The following GPATCH8 variants were observed in gnomAD, a reference collection of about 807,000 sequenced individuals.
The protein encoded by GPATCH8 is G patch domain-containing protein 8.
In GPATCH8, 18 loss-of-function variants were observed where a neutral mutation model predicts 118.3. The observed-to-expected ratio is 0.15, with a 90% CI of 0.11 to 0.23. The LOEUF (loss-of-function observed/expected upper bound fraction) is 0.23. Among genes scored for constraint, GPATCH8 ranks in the 10% least tolerant of loss-of-function variants. GPATCH8 has a pLI of 1.00. For synonymous variants in GPATCH8, 659 were observed against 684.7 expected, an observed-to-expected ratio of 0.96 and a Z score of 0.59; for missense variants, 1,631 against 1,873.8, an observed-to-expected ratio of 0.87 and a Z score of 2.39.
intron 3 of GPATCH8, among the ~76,000 whole-genome samples, chr17:44,451,794 T>C (rs949288444): frequency 6.6e-6 from 1 of 152,220 alleles, no homozygotes; most frequent in African/African-American, 2.4e-5. Flanking sequence ...TTCAGAATTA[T>C]CTCCACTTTT....
chr17:44,398,484 G>A lies in GPATCH8; in HGVS notation c.3593C>T (p.Thr1198Ile). 1 of 1,609,164 alleles carries A rather than the reference G, an allele frequency of 6.2e-7. No individual in the cohort carries two copies. The highest frequency in any genetic ancestry group is 8.5e-7 in the Non-Finnish European group (1 of 1,177,456). Reference sequence around the variant, plus strand: ...GGGTGGGTCTAATAAGGGGCCAGTTGTTTCCTCTGAAGGGAACTGATGCCC... The same window carrying A: ...GGGTGGGTCTAATAAGGGGCCAGTTATTTCCTCTGAAGGGAACTGATGCCC... ...LFGHQFPSEE[T>I]TGPLLDPPPE... Residue 1198 changes from threonine (T) to isoleucine (I), a missense_variant, in exon 8 of 8, where the codon ACA becomes ATA. By Grantham distance (89) the Thr-to-Ile change is moderately conservative (BLOSUM62 -1). Coordinates refer to ENST00000591680, the MANE Select transcript of GPATCH8 (RefSeq NM_001002909.4).
chr17:44,427,369 C>G (rs1290049469), intron 5 of GPATCH8, among the ~76,000 whole-genome samples: 1 of 151,882 alleles, frequency 6.6e-6, no homozygotes, highest in African/African-American at 2.4e-5. Flanking sequence ...ACTGTTTGCA[C>G]AACCACTTTT....
intron 5 of GPATCH8, among the ~76,000 whole-genome samples, chr17:44,426,026 A>C (rs2050078078): frequency 6.6e-6 from 1 of 152,244 alleles, no homozygotes; most frequent in Non-Finnish European, 1.5e-5. Flanking sequence ...AGCTCTTTAT[A>C]GAACCTGAAT....
chr17:44,458,718 G>A (rs1473908675), intron 3 of GPATCH8, among the ~76,000 whole-genome samples: 4 of 152,026 alleles, frequency 2.6e-5, no homozygotes, highest in Admixed American at 2.6e-4. Context: ...TAGGAACTGG[G>A]TCTTGTTGTT....
In GPATCH8 at chr17:44,399,201, C is replaced by T. The variant is rs143463074; in HGVS notation, c.2876G>A (p.Arg959His). 195 of 1,613,462 alleles carry T rather than the reference C, an allele frequency of 1.2e-4. 1 individual carries two copies. In the South Asian group the frequency reaches 1.6e-3, roughly 13 times the overall value. Residue 959 changes from arginine (R) to histidine (H), a missense_variant, in exon 8 of 8, where the codon CGC (arginine) becomes CAC (histidine). By Grantham distance (29) the Arg-to-His change is conservative (BLOSUM62 0). This residue lies in a region of GPATCH8 where 922 missense variants were observed against 879.7 expected (regional missense o/e 1.05). Transcript: ENST00000591680. ...HTRERSRSRG[R>H]SRSSSCSRSR... ...ACGACTACAACTGCTGCTGCGGCTG[C>T]GGCCCCGGGATCTTGAGCGCTCTCT...
At chr17:44,493,338 G>A (rs1268006499) in intron 1 of GPATCH8, among the ~76,000 whole-genome samples, 1 of 152,140 alleles carries the variant, frequency 6.6e-6, no homozygotes, top group Non-Finnish European at 1.5e-5. Context: ...TGGGATTACA[G>A]GCACGAGCCC....
intron 3 of GPATCH8, among the ~76,000 whole-genome samples, chr17:44,439,887 G>A (rs890274455): frequency 2.0e-5 from 3 of 151,374 alleles, no homozygotes; most frequent in South Asian, 2.1e-4. Flanking sequence ...GGGTTCAAGC[G>A]ATTCTCCTGC....
chr17:44,460,755 C>T (rs747034688), intron 3 of GPATCH8, among the ~76,000 whole-genome samples: 5 of 152,254 alleles, frequency 3.3e-5, no homozygotes, highest in African/African-American at 7.2e-5. Context: ...AAATCACATG[C>T]GATGCCTACT....
In GPATCH8 at chr17:44,399,105, T is replaced by C. The variant is rs1598399103; in HGVS notation, c.2972A>G (p.Asp991Gly). 6.2e-7 allele frequency: 1 copy of C among 1,613,056 alleles called. No homozygotes were observed. Among genetic ancestry groups the C allele is most frequent in the Non-Finnish European group, 8.5e-7 (1 of 1,179,400 alleles). ...AGGGCTCCTGGTGCTGCGGCTGCGG[T>C]CCCGGCTATAGCTCCGGCTCCGTTG... ...SWQRSRSYSR[D>G]RSRSTRSPSQ... Residue 991 changes from aspartate (D) to glycine (G), a missense_variant, in exon 8 of 8, where the codon GAC becomes GGC. Around this residue, in one of 8 missense-constraint regions of GPATCH8, gnomAD observed 922 missense variants for 879.7 expected, o/e 1.05. Transcript: ENST00000591680.
chr17:44,477,207 T>C (rs1243621744), intron 1 of GPATCH8, among the ~76,000 whole-genome samples: 1 of 152,230 alleles, frequency 6.6e-6, no homozygotes, highest in East Asian at 1.9e-4. Flanking sequence ...AAGTATTACG[T>C]TTCTCTCACT....
intron 6 of GPATCH8, among the ~76,000 whole-genome samples, chr17:44,408,036 C>T (rs965381188): frequency 7.2e-5 from 11 of 152,136 alleles, no homozygotes; most frequent in African/African-American, 2.4e-4. Context: ...ATTTCTTCCT[C>T]CTGAGGGGAA....
intron 6 of GPATCH8, among the ~76,000 whole-genome samples, chr17:44,420,858 T>A (rs1253566402): frequency 2.0e-5 from 3 of 152,134 alleles, no homozygotes; most frequent in Non-Finnish European, 4.4e-5. Flanking sequence ...TTTTCCTGGT[T>A]TACTTTTTTC....
chr17:44,400,803 G>T lies in GPATCH8; in HGVS notation c.1274C>A (p.Thr425Asn), dbSNP rs202012543. ...CTCTGGGGCATTCTTTGGGTGTGTA[G>T]TATTATCACCATCCATTTGTTCACT... Reference protein sequence around the residue: ...RASEQMDGDNTTHPKNAPESK... With the variant: ...RASEQMDGDNNTHPKNAPESK... Residue 425 changes from threonine (T) to asparagine (N), a missense_variant, in exon 8 of 8, where the codon ACT becomes AAT. Coordinates refer to ENST00000591680, the MANE Select transcript of GPATCH8 (RefSeq NM_001002909.4). 3.7e-6 allele frequency: 6 copies of T among 1,614,014 alleles called. No individual in the cohort carries two copies. The highest frequency in any genetic ancestry group is 5.1e-6 in the Non-Finnish European group (6 of 1,179,884).
intron 3 of GPATCH8, among the ~76,000 whole-genome samples, chr17:44,454,960 CAG>C (rs769633140): frequency 6.6e-6 from 1 of 152,152 alleles, no homozygotes; most frequent in Non-Finnish European, 1.5e-5. Flanking sequence ...TAGCAGGAAA[CAG>C]AGATTATAGC....
intron 6 of GPATCH8, 120 bp downstream of exon 6, chr17:44,424,229 A>G: frequency 2.6e-6 from 2 of 758,164 alleles, no homozygotes; most frequent in Admixed American, 1.9e-5. Context: ...ATGACTGCAG[A>G]TAAAGATTGG....
chr17:44,451,290 G>T (rs1203885017), intron 3 of GPATCH8, among the ~76,000 whole-genome samples: 1 of 151,914 alleles, frequency 6.6e-6, no homozygotes, highest in African/African-American at 2.4e-5. Flanking sequence ...AGAGGGTTTC[G>T]CCATGTTGGC....
chr17:44,400,843 G>C lies in GPATCH8; in HGVS notation c.1234C>G (p.Leu412Val), dbSNP rs1314100056. ...CKVKPNFPFL[L>V]FMRASEQMDG... The stretch of plus-strand genomic sequence containing the variant: ...ATTTGTTCACTGGCTCTCATAAAAA[G>C]TAGAAAGGGAAAATTAGGTTTTACT... The change falls in exon 8 of 8, where the codon CTT becomes GTT. Residue 412 changes from leucine (L) to valine (V), a missense_variant. Transcript: ENST00000591680. 1.2e-6 allele frequency: 2 copies of C among 1,614,042 alleles called. No homozygotes were observed. The highest frequency in any genetic ancestry group is 1.7e-5 in the Admixed American group (1 of 60,004).
intron 2 of GPATCH8, 47 bp downstream of exon 2, chr17:44,474,782 A>T: frequency 1.1e-6 from 1 of 903,222 alleles, no homozygotes; most frequent in Non-Finnish European, 1.9e-6. Flanking sequence ...CACGAACACT[A>T]CCTAACTAAC....
chr17:44,438,908 T>C (rs1358095647), intron 3 of GPATCH8, among the ~76,000 whole-genome samples: 1 of 152,170 alleles, frequency 6.6e-6, no homozygotes, highest in East Asian at 1.9e-4. Context: ...TGTGAGATTT[T>C]TGTACTGCTA....
Sources: allele counts gnomAD v4.1 joint callset (sites outside exome capture counted in the v4.1 genomes callset), GRCh38; gene constraint gnomAD v4.1.1; regional missense constraint gnomAD v4.1.1; transcripts MANE v1.5; gene names NCBI Gene and HGNC (gene_info 2026-07-23, HGNC 2026-07-21).